GALNTL6: variants seen among roughly 807,000 people sequenced by gnomAD.
The protein encoded by GALNTL6 is polypeptide N-acetylgalactosaminyltransferase-like 6.
GALNTL6 carries 46 observed loss-of-function variants against 73.7 expected under a neutral mutation model. The observed-to-expected ratio is 0.62, with a 90% confidence interval of 0.49 to 0.80. The LOEUF is 0.80. GALNTL6 is among the 30% of genes least tolerant of loss of function. The pLI is 0.00. For synonymous variants in GALNTL6, 259 were observed against 263.7 expected, an observed-to-expected ratio of 0.98 and a Z score of 0.17; for missense variants, 604 against 755.0, an observed-to-expected ratio of 0.80 and a Z score of 2.34.
intron 2 of GALNTL6, among the ~76,000 whole-genome samples, chr4:171,959,586 CAT>C (rs34076364): frequency 3.0e-3 from 455 of 152,272 alleles, no homozygotes; most frequent in Non-Finnish European, 4.8e-3. Flanking sequence ...CATAGTGGCA[CAT>C]GTCTGTGGTC....
intron 5 of GALNTL6, among the ~76,000 whole-genome samples, chr4:172,639,286 T>C (rs1739850206): frequency 6.6e-6 from 1 of 152,146 alleles, no homozygotes; most frequent in Admixed American, 6.6e-5. Flanking sequence ...GGGACCTCCA[T>C]TCCGTTGATC....
intron 8 of GALNTL6, among the ~76,000 whole-genome samples, chr4:172,894,247 G>A (rs1746203591): frequency 6.6e-6 from 1 of 151,846 alleles, no homozygotes; most frequent in African/African-American, 2.4e-5. Context: ...TTTGGGGATT[G>A]GTTTGTTCTT....
intron 2 of GALNTL6, among the ~76,000 whole-genome samples, chr4:171,970,389 A>G (rs1739531451): frequency 6.6e-6 from 1 of 152,250 alleles, no homozygotes. Context: ...TAGTAAGGAT[A>G]TTATAAAGCT....
At chr4:172,485,883 C>G (rs764391530) in intron 5 of GALNTL6, among the ~76,000 whole-genome samples, 1 of 152,078 alleles carries the variant, frequency 6.6e-6, no homozygotes, top group African/African-American at 2.4e-5. Context: ...AAGGGATGTG[C>G]GTTGAAGGTC....
intron 5 of GALNTL6, among the ~76,000 whole-genome samples, chr4:172,745,757 G>A (rs1297946784): frequency 6.6e-6 from 1 of 152,060 alleles, no homozygotes; most frequent in Non-Finnish European, 1.5e-5. Flanking sequence ...AGTGGAAGGA[G>A]AGGTTTTGGA....
At position 172,201,427 on chromosome 4, in the gene GALNTL6, G is replaced by C. The variant is rs138960399; in HGVS notation, c.139-28229G>C. On this transcript the variant is annotated intron_variant, in intron 2 of 12. Coordinates refer to ENST00000506823, the MANE Select transcript of GALNTL6 (RefSeq NM_001034845.3). The stretch of plus-strand genomic sequence containing the variant: ...TCATCATGTTGGCCAGGATGGTCTT[G>C]ATCTCCTGACCTCATGATCTGCCCA... Among the ~76,000 whole-genome samples the C allele has an allele frequency of 4.4e-3, 669 of 151,780 alleles. 7 individuals are homozygous for C. Among genetic ancestry groups the C allele is most frequent in the African/African-American group, 0.015 (639 of 41,374 alleles).
intron 3 of GALNTL6, among the ~76,000 whole-genome samples, chr4:172,234,462 CA>C (rs753174366): frequency 5.3e-5 from 8 of 152,226 alleles, no homozygotes; most frequent in Middle Eastern, 3.4e-3. Context: ...TGCACTTTAA[CA>C]AATACACTTA....
At chr4:172,819,152 T>A (rs370941480) in intron 7 of GALNTL6, among the ~76,000 whole-genome samples, 7 of 152,194 alleles carry the variant, frequency 4.6e-5, no homozygotes, top group African/African-American at 1.4e-4. Context: ...CATGCTAAAA[T>A]GGGGAAAATT....
chr4:171,949,663 A>G (rs7682410), intron 2 of GALNTL6, among the ~76,000 whole-genome samples: 2,982 of 152,320 alleles, frequency 0.02, 98 homozygotes, highest in African/African-American at 0.068. Context: ...GTCAAAAGCA[A>G]GACTAAGTAA....
chr4:172,438,872 G>A (rs1408116011), intron 5 of GALNTL6, among the ~76,000 whole-genome samples: 2 of 151,892 alleles, frequency 1.3e-5, no homozygotes, highest in Non-Finnish European at 2.9e-5. Flanking sequence ...AGAAAATAAA[G>A]GGGGCTCAGA....
chr4:172,936,274 C>A (rs990312489), intron 9 of GALNTL6, among the ~76,000 whole-genome samples: 1 of 152,138 alleles, frequency 6.6e-6, no homozygotes, highest in Non-Finnish European at 1.5e-5. Flanking sequence ...ATCGATGGAA[C>A]GTATCTCAAA....
chr4:172,005,936 T>C (rs764464841), intron 2 of GALNTL6, among the ~76,000 whole-genome samples: 1 of 152,192 alleles, frequency 6.6e-6, no homozygotes, highest in Non-Finnish European at 1.5e-5. Flanking sequence ...GTGATTCTTT[T>C]TGTCATAAGA....
intron 5 of GALNTL6, among the ~76,000 whole-genome samples, chr4:172,427,075 C>A (rs1731258050): frequency 6.6e-6 from 1 of 152,036 alleles, no homozygotes. Context: ...TGAGATAAGT[C>A]ATTCAACCAA....
chr4:172,379,555 A>AAAT (rs1743190648), intron 5 of GALNTL6, among the ~76,000 whole-genome samples: 1 of 147,118 alleles, frequency 6.8e-6, no homozygotes, highest in Non-Finnish European at 1.5e-5. Context: ...AAAAAAAAAA[A>AAAT]AAGAACGGGT....
At position 172,289,895 on chromosome 4, in the gene GALNTL6, T is replaced by G. The variant is rs868319676; in HGVS notation, c.248-21719T>G. ...GACTTAAGCTATTCTCTAGACTTCT[T>G]GGTTATTACTCATGTAGTTAGCAGA... On this transcript the variant is annotated intron_variant, in intron 3 of 12. Coordinates refer to ENST00000506823, the MANE Select transcript of GALNTL6 (RefSeq NM_001034845.3). Among the ~76,000 whole-genome samples, 74 of 152,316 alleles carry G rather than the reference T, an allele frequency of 4.9e-4. No individual in the cohort carries two copies. The Middle Eastern group carries it at 0.014, about 28-fold the overall frequency.
Position 171,971,509 on chromosome 4 carries a change from T to C in GALNTL6, c.138+156791T>C, listed in dbSNP as rs183762656. Among the ~76,000 whole-genome samples, 55 of 152,312 alleles carry C rather than the reference T, an allele frequency of 3.6e-4. No homozygotes were observed. In the East Asian group the frequency reaches 9.9e-3, roughly 27 times the overall value. On this transcript the variant is annotated intron_variant, in intron 2 of 12. Transcript: ENST00000506823. ...TTTCTGATAGTAAATAAAAGTTAAA[T>C]AAATTATTCTATTTGGCTTGGTTCC...
chr4:172,862,980 G>A (rs988600166), intron 7 of GALNTL6, among the ~76,000 whole-genome samples: 1 of 152,212 alleles, frequency 6.6e-6, no homozygotes, highest in Non-Finnish European at 1.5e-5. Context: ...GTGGCTAAAA[G>A]GGGCCAAGGT....
intron 7 of GALNTL6, among the ~76,000 whole-genome samples, chr4:172,825,361 T>C (rs894165696): frequency 6.6e-6 from 1 of 152,040 alleles, no homozygotes; most frequent in African/African-American, 2.4e-5. Context: ...CAAATTCTGA[T>C]TCAAAAGTGA....
chr4:171,981,310 C>A (rs1159042610), intron 2 of GALNTL6, among the ~76,000 whole-genome samples: 3 of 152,146 alleles, frequency 2.0e-5, no homozygotes, highest in African/African-American at 7.2e-5. Context: ...CTCAGTGAAT[C>A]CTCATTGTTA....
Sources: allele counts gnomAD v4.1 joint callset (sites outside exome capture counted in the v4.1 genomes callset), GRCh38; gene constraint gnomAD v4.1.1; transcripts MANE v1.5; gene names NCBI Gene and HGNC (gene_info 2026-07-23, HGNC 2026-07-21).